YIPF7: variants seen among roughly 807,000 people sequenced by gnomAD.
The protein encoded by YIPF7 is Yip1 domain family member 7.
In YIPF7, 35 loss-of-function variants were observed where a neutral mutation model predicts 27.2. The observed-to-expected ratio is 1.29, with a 90% CI of 0.98 to 1.70. The LOEUF (loss-of-function observed/expected upper bound fraction) is 1.70, where lower values mean the gene tolerates loss of function less well. YIPF7 is among the 40% of genes most tolerant of loss of function. The pLI is 0.00. For synonymous variants in YIPF7, 137 were observed against 110.4 expected, an observed-to-expected ratio of 1.24 and a Z score of -1.51; for missense variants, 358 against 303.7, an observed-to-expected ratio of 1.18 and a Z score of -1.33.
intron 3 of YIPF7, among the ~76,000 whole-genome samples, chr4:44,631,399 G>A (rs4694776): frequency 0.95 from 144,806 of 152,226 alleles, 69,096 homozygotes; most frequent in East Asian, 1. Context: ...ACAGAGGCAC[G>A]TATCATCTAA....
rs144681136 is a variant in YIPF7 at position 44,631,662 on chromosome 4, T to A, written c.281-2114A>T. ...TTCTGCTTCCTTGTTTCATCCTTGATTTGCACAGTGCAATTATATATTTAT... is the reference window on the plus strand; with the variant it reads ...TTCTGCTTCCTTGTTTCATCCTTGAATTGCACAGTGCAATTATATATTTAT... On this transcript the variant is annotated intron_variant, in intron 3 of 5. Transcript: ENST00000415895. Among the ~76,000 whole-genome samples the A allele has an allele frequency of 9.2e-5, 14 of 152,268 alleles. No homozygotes were observed. In the East Asian group the frequency reaches 2.7e-3, roughly 29 times the overall value.
intron 2 of YIPF7, among the ~76,000 whole-genome samples, chr4:44,643,038 A>T (rs956054976): frequency 1.3e-5 from 2 of 152,186 alleles, no homozygotes; most frequent in Non-Finnish European, 2.9e-5. Context: ...TAACAGGTAG[A>T]TGTCAGAAGA....
chr4:44,652,364 A>G (rs1308973181), upstream of YIPF7, among the ~76,000 whole-genome samples: 1 of 152,148 alleles, frequency 6.6e-6, no homozygotes, highest in East Asian at 1.9e-4. Flanking sequence ...CATCCCTAAT[A>G]TTAATCTCAC....
At chr4:44,639,802 C>A (rs1713265802) in intron 2 of YIPF7, among the ~76,000 whole-genome samples, 1 of 152,050 alleles carries the variant, frequency 6.6e-6, no homozygotes, top group Non-Finnish European at 1.5e-5. Flanking sequence ...CAACTTTTCA[C>A]ATTCAGCATG....
At chr4:44,658,503 C>T (rs1448601256) in intron 2 of YIPF7, among the ~76,000 whole-genome samples, 1 of 152,188 alleles carries the variant, frequency 6.6e-6, no homozygotes, top group African/African-American at 2.4e-5. Context: ...AGTCTCCCCA[C>T]TACCCTGTTG....
intron 2 of YIPF7, among the ~76,000 whole-genome samples, chr4:44,660,100 C>A (rs571074074): frequency 2.0e-3 from 50 of 25,102 alleles, no homozygotes; most frequent in African/African-American, 4.2e-3. Flanking sequence ...GGTGACAGAG[C>A]AAGACTCTGT....
intron 2 of YIPF7, among the ~76,000 whole-genome samples, chr4:44,645,172 C>A (rs2109595734): frequency 6.6e-6 from 1 of 152,244 alleles, no homozygotes; most frequent in South Asian, 2.1e-4. Context: ...CAGTAAATAA[C>A]CCAATTCTTA....
intron 3 of YIPF7, among the ~76,000 whole-genome samples, chr4:44,631,217 C>T (rs1712886075): frequency 6.6e-6 from 1 of 152,156 alleles, no homozygotes; most frequent in African/African-American, 2.4e-5. Flanking sequence ...GATTTGTGGT[C>T]AGGTCAATGT....
chr4:44,658,638 G>C (rs555600060), intron 2 of YIPF7, among the ~76,000 whole-genome samples: 46 of 152,284 alleles, frequency 3.0e-4, no homozygotes, highest in African/African-American at 1.1e-3. Context: ...ATGGAGTAGA[G>C]AAAACAACGG....
chr4:44,626,162 A>G (rs530532003), intron 4 of YIPF7, among the ~76,000 whole-genome samples: 196 of 152,288 alleles, frequency 1.3e-3, no homozygotes, highest in Non-Finnish European at 2.1e-3. Context: ...AATATTCCTG[A>G]CTTTTGCTGG....
chr4:44,629,988 C>A (rs1712827905), intron 3 of YIPF7, among the ~76,000 whole-genome samples: 1 of 151,958 alleles, frequency 6.6e-6, no homozygotes, highest in Non-Finnish European at 1.5e-5. Context: ...TTTTTTATTT[C>A]TTTTTCGAGG....
chr4:44,635,193 T>A (rs2109585466), intron 3 of YIPF7, among the ~76,000 whole-genome samples: 1 of 152,232 alleles, frequency 6.6e-6, no homozygotes, highest in East Asian at 1.9e-4. Context: ...CCAATTTAAA[T>A]CCACTTGGGT....
intron 2 of YIPF7, among the ~76,000 whole-genome samples, chr4:44,659,897 A>G (rs1268204633): frequency 6.6e-6 from 1 of 151,846 alleles, no homozygotes; most frequent in African/African-American, 2.4e-5. Context: ...GTGGATCACA[A>G]GGTCAGGAGA....
At chr4:44,636,234 G>T in intron 2 of YIPF7, 149 bp from the exon 3 acceptor site, 2 of 846,240 alleles carry the variant, frequency 2.4e-6, no homozygotes, top group Non-Finnish European at 3.5e-6. Context: ...TTTAACTTTA[G>T]TCCAAAAATG....
At chr4:44,661,219 T>A (rs917286387) in intron 1 of YIPF7, among the ~76,000 whole-genome samples, 2 of 152,186 alleles carry the variant, frequency 1.3e-5, no homozygotes, top group African/African-American at 4.8e-5. Flanking sequence ...GGCTCAGAGA[T>A]AAACTGAAGG....
intron 5 of YIPF7, among the ~76,000 whole-genome samples, chr4:44,623,312 TTAGAAAA>T (rs371457750): frequency 7.2e-5 from 11 of 152,188 alleles, no homozygotes; most frequent in African/African-American, 2.7e-4. Context: ...AATGCATTAT[TTAGAAAA>T]ATAAGACATA....
intron 3 of YIPF7, among the ~76,000 whole-genome samples, chr4:44,634,266 C>T (rs1444568540): frequency 6.6e-6 from 1 of 152,242 alleles, no homozygotes; most frequent in East Asian, 1.9e-4. Flanking sequence ...GGCACAGTGG[C>T]TCATGCCCGT....
At chr4:44,631,633 A>G (rs986061310) in intron 3 of YIPF7, among the ~76,000 whole-genome samples, 2 of 152,180 alleles carry the variant, frequency 1.3e-5, no homozygotes, top group African/African-American at 4.8e-5. Flanking sequence ...CAAATAATTT[A>G]CATTTCTGCT....
intron 2 of YIPF7, among the ~76,000 whole-genome samples, chr4:44,660,110 T>C (rs1327081749): frequency 1.2e-4 from 1 of 8,430 alleles, no homozygotes; most frequent in Admixed American, 1.5e-3. Context: ...CAAGACTCTG[T>C]CTCAAAAAAA....
Sources: gnomAD v4.1 joint callset for allele counts (sites outside exome capture counted in the v4.1 genomes callset) on GRCh38, gnomAD v4.1.1 for gene constraint, MANE v1.5 for transcripts, NCBI Gene and HGNC (gene_info 2026-07-23, HGNC 2026-07-21) for gene names.